Variants in CELF2 observed in about 807,000 individuals in gnomAD.
The protein encoded by CELF2 is CUGBP Elav-like family member 2.
CELF2 carries 8 observed loss-of-function variants against 62.6 expected under a neutral mutation model. That is an observed-to-expected ratio of 0.13 (90% CI 0.07 to 0.23). The LOEUF is 0.23. CELF2 is among the 10% of genes least tolerant of loss of function. The pLI is 1.00. For synonymous variants in CELF2, 258 were observed against 250.0 expected (o/e 1.03, Z -0.30); for missense variants, 333 against 671.0 (o/e 0.50, Z 5.56).
chr10:11,154,868 G>C (rs546154582), intron 1 of CELF2, among the ~76,000 whole-genome samples: 1 of 151,946 alleles, frequency 6.6e-6, no homozygotes, highest in South Asian at 2.1e-4. Context: ...TATTTCTCCC[G>C]GACAAGATGA....
chr10:10,988,298 G>T (rs199976487), intron 2 of CELF2, among the ~76,000 whole-genome samples: 7,948 of 149,900 alleles, frequency 0.053, 280 homozygotes, highest in Admixed American at 0.12. Context: ...TATATATAGA[G>T]AGAGAGAGAG....
At chr10:11,019,819 A>G (rs2058020294) in intron 1 of CELF2, among the ~76,000 whole-genome samples, 1 of 152,224 alleles carries the variant, frequency 6.6e-6, no homozygotes, top group Admixed American at 6.5e-5. Context: ...ATATACCTGT[A>G]TAGACACGTA....
At position 10,939,730 on chromosome 10, in the gene CELF2, G is replaced by A. The variant is rs373313348; in HGVS notation, c.89+19731G>A. Among the ~76,000 whole-genome samples the A allele has an allele frequency of 1.3e-3, 204 of 152,066 alleles. 2 individuals are homozygous for A. Among genetic ancestry groups the A allele is most frequent in the African/African-American group, 4.2e-3 (173 of 41,536 alleles). On this transcript the variant is annotated intron_variant, in intron 2 of 13. Transcript: ENST00000636488. ...AGCACTTTGGGAGGCCGAGGCGGAC[G>A]GATCACGAGGTCAGGAGATCGAGAC...
At chr10:10,959,235 C>A (rs757092528) in intron 2 of CELF2, among the ~76,000 whole-genome samples, 1 of 152,124 alleles carries the variant, frequency 6.6e-6, no homozygotes, top group African/African-American at 2.4e-5. Flanking sequence ...GAGGTGACAT[C>A]GCGCCACTGC....
chr10:11,024,266 T>C (rs1593344909), intron 1 of CELF2, among the ~76,000 whole-genome samples: 3 of 152,196 alleles, frequency 2.0e-5, no homozygotes, highest in African/African-American at 7.2e-5. Flanking sequence ...TCTAGTGCTT[T>C]AAAGGTAGGA....
At chr10:11,059,627 T>A (rs2140396708) in intron 1 of CELF2, among the ~76,000 whole-genome samples, 1 of 152,298 alleles carries the variant, frequency 6.6e-6, no homozygotes, top group African/African-American at 2.4e-5. Flanking sequence ...AGGAAAGAGT[T>A]GTGCTATTGC....
chr10:11,070,816 T>C (rs938446457), intron 1 of CELF2, among the ~76,000 whole-genome samples: 1 of 152,206 alleles, frequency 6.6e-6, no homozygotes, highest in Non-Finnish European at 1.5e-5. Flanking sequence ...CATCAGTTGC[T>C]ACTAAGGAGT....
intron 1 of CELF2, among the ~76,000 whole-genome samples, chr10:11,024,502 G>C (rs1217810460): frequency 6.6e-6 from 1 of 152,072 alleles, no homozygotes; most frequent in Non-Finnish European, 1.5e-5. Flanking sequence ...TTGGGAGGCT[G>C]AGGGGGGAGG....
Position 11,316,910 on chromosome 10 carries a change from T to C in CELF2, c.1096+2652T>C, listed in dbSNP as rs1044490331. On this transcript the variant is annotated intron_variant, in intron 10 of 12. Transcript: ENST00000633077. The surrounding 1 kb of genome is among the most constrained non-coding windows in gnomAD (Gnocchi z 4.4). ...AAAAAACAGTACAGCGCCCTAAAAA[T>C]GTAAGAATCATCCAGATCAGAAGAA... The C allele has an allele frequency of 6.6e-6, 1 of 152,174 alleles. No individual in the cohort carries two copies. Among genetic ancestry groups the C allele is most frequent in the Admixed American group, 6.5e-5 (1 of 15,278 alleles). The allele number at this position is 152,174 out of a possible 1,614,324, so 9.4% of individuals were successfully genotyped here.
At chr10:10,561,655 G>T in the CELF2 span, among the ~76,000 whole-genome samples, 1 of 152,136 alleles carries the variant, frequency 6.6e-6, no homozygotes, top group African/African-American at 2.4e-5. Flanking sequence ...CACTGAGAAG[G>T]TGGCATTATG....
At chr10:10,610,373 A>G in the CELF2 span, among the ~76,000 whole-genome samples, 622 of 152,352 alleles carry the variant, frequency 4.1e-3, 4 homozygotes, top group Middle Eastern at 0.01. Context: ...ATGCCAACTC[A>G]AAAAACAAAA....
At chr10:10,950,784 G>A (rs1385232744) in intron 2 of CELF2, among the ~76,000 whole-genome samples, 1 of 152,258 alleles carries the variant, frequency 6.6e-6, no homozygotes, top group Non-Finnish European at 1.5e-5. Flanking sequence ...AGACAGAAGA[G>A]CAGCAGCTAT....
chr10:11,030,623 G>A (rs1403831841), intron 1 of CELF2: 2 of 152,156 alleles, frequency 1.3e-5, no homozygotes, highest in East Asian at 1.9e-4. Context: ...TCTGTTCCTC[G>A]TTTCCAAAGC....
intron 9 of CELF2, among the ~76,000 whole-genome samples, chr10:11,301,264 G>A (rs191590617): frequency 3.3e-5 from 5 of 152,022 alleles, no homozygotes; most frequent in East Asian, 3.9e-4. Flanking sequence ...TCCTCCGCAG[G>A]CAGCCTCACC....
the CELF2 span, among the ~76,000 whole-genome samples, chr10:10,513,256 C>T: frequency 6.6e-6 from 1 of 152,068 alleles, no homozygotes; most frequent in Non-Finnish European, 1.5e-5. Context: ...AGTCGTATCA[C>T]TCTATCAAAT....
chr10:10,664,973 G>A, the CELF2 span, among the ~76,000 whole-genome samples: 6 of 152,210 alleles, frequency 3.9e-5, no homozygotes, highest in Admixed American at 6.5e-5. Flanking sequence ...TGAAGGCAGT[G>A]TGAAGCCACT....
At chr10:10,619,819 C>T in the CELF2 span, among the ~76,000 whole-genome samples, 1 of 152,076 alleles carries the variant, frequency 6.6e-6, no homozygotes, top group East Asian at 1.9e-4. Flanking sequence ...CCATTTGGTG[C>T]CAACATTCTG....
At chr10:10,891,903 C>G (rs1480553669) in intron 1 of CELF2, among the ~76,000 whole-genome samples, 1 of 152,194 alleles carries the variant, frequency 6.6e-6, no homozygotes, top group African/African-American at 2.4e-5. Flanking sequence ...GAGCAAATAG[C>G]ACAGTATATA....
chr10:10,522,505 A>G, the CELF2 span, among the ~76,000 whole-genome samples: 85 of 152,360 alleles, frequency 5.6e-4, no homozygotes, highest in Admixed American at 2.0e-3. Context: ...TCCAAGGTAC[A>G]TATTTTTGAA....
Sources: gnomAD v4.1 joint callset for allele counts (sites outside exome capture counted in the v4.1 genomes callset) on GRCh38, gnomAD v4.1.1 for gene constraint, Gnocchi (gnomAD v3.1) non-coding constraint, MANE v1.5 for transcripts, NCBI Gene and HGNC (gene_info 2026-07-23, HGNC 2026-07-21) for gene names.